The following AKAP8L variants were observed in gnomAD, a reference collection of about 807,000 sequenced individuals.
AKAP8L encodes the protein A-kinase anchoring protein 8 like.
A neutral mutation model predicts 77.5 loss-of-function variants in AKAP8L; 34 were observed. The observed-to-expected ratio is 0.44, with a 90% CI of 0.33 to 0.58. AKAP8L has a LOEUF of 0.58. Ranked by LOEUF, AKAP8L falls within the 20% of genes least tolerant of loss-of-function variation. The pLI, the probability that AKAP8L is intolerant of heterozygous loss-of-function variation, is 0.02. For synonymous variants in AKAP8L, 342 were observed against 340.7 expected (o/e 1.00, Z -0.04); for missense variants, 806 against 887.6 (o/e 0.91, Z 1.17).
At chr19:15,381,814 G>A (rs927997015) in intron 12 of AKAP8L, 2 of 152,170 alleles carry the variant, frequency 1.3e-5, no homozygotes, top group African/African-American at 2.4e-5. Context: ...TCTCCCAAGT[G>A]AGGCACATTT....
intron 1 of AKAP8L, 54 bp downstream of exon 1, chr19:15,418,857 C>T: frequency 6.5e-7 from 1 of 1,548,444 alleles, no homozygotes; most frequent in South Asian, 1.1e-5. Context: ...GCGGCATCCG[C>T]ACGTCCCTGT....
intron 12 of AKAP8L, among the ~76,000 whole-genome samples, chr19:15,391,028 A>G (rs1967648411): frequency 6.6e-6 from 1 of 152,224 alleles, no homozygotes; most frequent in Non-Finnish European, 1.5e-5. Flanking sequence ...CACCACTTCT[A>G]TTCAATACTG....
chr19:15,417,430 G>A (rs911193853), intron 1 of AKAP8L, among the ~76,000 whole-genome samples: 3 of 152,136 alleles, frequency 2.0e-5, no homozygotes, highest in African/African-American at 7.2e-5. Context: ...CTTTGCGGTA[G>A]GTGTCATTGT....
intron 12 of AKAP8L, among the ~76,000 whole-genome samples, chr19:15,381,630 TC>T (rs1967420034): frequency 6.6e-6 from 1 of 152,128 alleles, no homozygotes; most frequent in East Asian, 1.9e-4. Flanking sequence ...TTTTTTTTTT[TC>T]CTTAGCACGT....
At chr19:15,417,032 G>C (rs555692762) in intron 1 of AKAP8L, among the ~76,000 whole-genome samples, 1 of 152,176 alleles carries the variant, frequency 6.6e-6, no homozygotes, top group Non-Finnish European at 1.5e-5. Context: ...TCAAGATAAA[G>C]GAAAAACTAA....
rs1296247155 is a variant in AKAP8L at position 15,398,059 on chromosome 19, T to C, written c.1158-204A>G. The stretch of plus-strand genomic sequence containing the variant: ...TCTGCAGGCTGCAGTTACTGCAACG[T>C]AGGGGACAGGGGAGGAGCTCTTCCT... On this transcript the variant is annotated intron_variant, in intron 9 of 13. Transcript: ENST00000397410. The surrounding 1 kb of genome is among the most constrained non-coding windows in gnomAD (Gnocchi z 9.2). The C allele has an allele frequency of 1.6e-6, 1 of 609,720 alleles. No individual in the cohort carries two copies. The highest frequency in any genetic ancestry group is 2.8e-5 in the East Asian group (1 of 35,384). The allele number at this position is 609,720 out of a possible 1,614,324, so 37.8% of individuals were successfully genotyped here. A position where few individuals can be genotyped will look rare whatever the true frequency, so the allele number is the denominator to read the frequency against.
chr19:15,400,906 G>A, intron 6 of AKAP8L, 41 bp downstream of exon 6: 1 of 1,613,954 alleles, frequency 6.2e-7, no homozygotes, highest in East Asian at 2.2e-5. Flanking sequence ...GGAGTTCCCA[G>A]AGGCAGGGGG....
chr19:15,400,221 C>T (rs1373231426), intron 8 of AKAP8L, 74 bp downstream of exon 8: 1 of 1,505,230 alleles, frequency 6.6e-7, no homozygotes, highest in East Asian at 2.3e-5. Flanking sequence ...CGCAACCCTG[C>T]CCTCAGCTGG....
intron 2 of AKAP8L, among the ~76,000 whole-genome samples, chr19:15,406,262 C>A (rs1379538530): frequency 1.3e-5 from 2 of 151,304 alleles, no homozygotes; most frequent in Non-Finnish European, 2.9e-5. Context: ...TCTAGACTGG[C>A]GTTTAGGGAC....
At chr19:15,408,469 A>G (rs531252534) in intron 2 of AKAP8L, among the ~76,000 whole-genome samples, 1 of 151,700 alleles carries the variant, frequency 6.6e-6, no homozygotes, top group East Asian at 1.9e-4. Context: ...AGGCCAAGGC[A>G]CAAGAATAGC....
chr19:15,418,890 AC>A lies in AKAP8L; in HGVS notation c.13+20del. 1.3e-6 allele frequency: 2 copies of A among 1,598,652 alleles called. No individual in the cohort carries two copies. On this transcript the variant is annotated intron_variant, in intron 1 of 13. Transcript: ENST00000397410. ...TGTCCCATCCCCCACGCAGAGCCCG[AC>A]CCCACCCTGCCAGGCCCACCTGTGT...
intron 12 of AKAP8L, chr19:15,381,735 C>G (rs1204352687): frequency 6.6e-6 from 1 of 152,142 alleles, no homozygotes; most frequent in Admixed American, 6.5e-5. Context: ...AGACCGTTCC[C>G]CCAGTGACTC....
Position 15,380,200 on chromosome 19 carries a change from C to T in AKAP8L, c.1863G>A (p.Gly621=), listed in dbSNP as rs1327761864. The T allele has an allele frequency of 4.0e-6, 6 of 1,507,660 alleles. No individual in the cohort carries two copies. The highest frequency in any genetic ancestry group is 4.4e-6 in the Non-Finnish European group (5 of 1,136,728). The allele number at this position is 1,507,660 out of a possible 1,614,324, so 93.4% of individuals were successfully genotyped here. ...TGCCGCGGATCTGGCGTTGCAGCGC[C>T]CCTCCCAGCAAGGGCACGGCGCCCT... ...EEEGAVPLLG[G]ALQRQIRGIP... Residue 621 remains glycine (G), a synonymous_variant, in exon 14 of 14, where the codon GGG becomes GGA. Transcript: ENST00000397410.
intron 12 of AKAP8L, among the ~76,000 whole-genome samples, chr19:15,382,445 CA>C (rs1210516922): frequency 6.6e-6 from 1 of 152,148 alleles, no homozygotes; most frequent in Admixed American, 6.5e-5. Context: ...TCAGGACCTC[CA>C]CCCATCTCGG....
In AKAP8L at chr19:15,410,503, C is replaced by A. The variant is rs369010109; in HGVS notation, c.88+17G>T. ...CTCTGCAGAACACTTTGGTTCCCAC[C>A]AGAAGTCCACACTTACCATAATCAC... is the stretch of plus-strand genomic sequence containing the variant. On this transcript the variant is annotated intron_variant, in intron 2 of 13. Transcript: ENST00000397410. 7.0e-6 allele frequency: 11 copies of A among 1,563,864 alleles called. No homozygotes were observed. The African/African-American group carries it at 1.2e-4, about 17-fold the overall frequency.
chr19:15,387,116 C>G (rs1316202427), intron 12 of AKAP8L, among the ~76,000 whole-genome samples: 2 of 152,194 alleles, frequency 1.3e-5, no homozygotes, highest in African/African-American at 4.8e-5. Flanking sequence ...AATATAAGGG[C>G]TCACATACCC....
rs1335377686 is a variant in AKAP8L, at chr19:15,403,615, A to T, written c.222T>A (p.Ser74=). 6.8e-6 allele frequency: 11 copies of T among 1,613,914 alleles called. No homozygotes were observed. In the Admixed American group the frequency reaches 1.5e-4, roughly 22 times the overall value. ...ATSHSWEMPS[S]DTNANTSASG... ...AGGCACTAGTGTTTGCATTTGTGTC[A>T]GAGCTAGGCATTTCCCAAGAGTGTG... Residue 74 remains serine, a synonymous_variant, in exon 4 of 14, where the codon TCT becomes TCA. Coordinates refer to ENST00000397410, the MANE Select transcript of AKAP8L (RefSeq NM_014371.4). The surrounding 1 kb of genome is among the most constrained non-coding windows in gnomAD (Gnocchi z 4.3).
At position 15,415,121 on chromosome 19, in the gene AKAP8L, T is replaced by A. The variant is rs76287303; in HGVS notation, c.13+3790A>T. 1.1e-3 allele frequency among the ~76,000 whole-genome samples: 162 copies of A among 152,324 alleles called. 1 individual carries two copies. The East Asian group carries it at 0.028, about 27-fold the overall frequency. ...CTCCTTGCTTTTAACCAATCTCTCG[T>A]CAACTTTTTTTGCTCAAAAATACAA... is the stretch of plus-strand genomic sequence containing the variant. On this transcript the variant is annotated intron_variant, in intron 1 of 13. Transcript: ENST00000397410.
At chr19:15,415,687 C>G (rs1968192052) in intron 1 of AKAP8L, among the ~76,000 whole-genome samples, 1 of 151,992 alleles carries the variant, frequency 6.6e-6, no homozygotes, top group African/African-American at 2.4e-5. Flanking sequence ...GAGATCAAGA[C>G]CATCCTGGCT....
Sources: gnomAD v4.1 joint callset for allele counts (sites outside exome capture counted in the v4.1 genomes callset) on GRCh38, gnomAD v4.1.1 for gene constraint, Gnocchi (gnomAD v3.1) non-coding constraint, MANE v1.5 for transcripts, NCBI Gene and HGNC (gene_info 2026-07-23, HGNC 2026-07-21) for gene names.